AKR1E2: variants seen among roughly 807,000 people sequenced by gnomAD.
The protein encoded by AKR1E2 is 1,5-anhydro-D-fructose reductase.
Under a neutral mutation model 41.9 loss-of-function variants are expected in AKR1E2, and 43 were observed. The ratio of observed to expected loss-of-function variants is 1.03; its 90% CI spans 0.80 to 1.32. The LOEUF (loss-of-function observed/expected upper bound fraction) is 1.32. Ranked by LOEUF, AKR1E2 falls within the 40% of genes most tolerant of loss-of-function variation. The probability of loss-of-function intolerance (pLI) is 0.00; values close to 1 mark genes in which losing one functional copy is unlikely to be tolerated. For missense variants in AKR1E2, 423 were observed against 396.5 expected, an observed-to-expected ratio of 1.07 and a Z score of -0.57; for synonymous variants, 121 against 138.9, an observed-to-expected ratio of 0.87 and a Z score of 0.91.
the AKR1E2 span, among the ~76,000 whole-genome samples, chr10:4,863,726 A>AAATCAATGAATCCAGGAGCT: frequency 1.5e-3 from 223 of 151,080 alleles, no homozygotes; most frequent in Middle Eastern, 0.01. Flanking sequence ...AGACTAATAA[A>AAATCAATGAATCCAGGAGCT]GAAGAAAAGA....
the AKR1E2 span, among the ~76,000 whole-genome samples, chr10:4,862,114 G>A: frequency 3.7e-3 from 561 of 152,280 alleles, 5 homozygotes; most frequent in Non-Finnish European, 5.1e-3. Flanking sequence ...TGTATAAGGT[G>A]TAAGGAAGGG....
chr10:4,866,301 C>T, the AKR1E2 span, among the ~76,000 whole-genome samples: 10 of 152,264 alleles, frequency 6.6e-5, no homozygotes, highest in Middle Eastern at 3.4e-3. Context: ...AGAGAGGACG[C>T]GTAGCACTGG....
the AKR1E2 span, among the ~76,000 whole-genome samples, chr10:4,854,537 C>G: frequency 1.3e-5 from 2 of 152,214 alleles, no homozygotes; most frequent in East Asian, 3.9e-4. Context: ...ACTGAAGGGA[C>G]TATAGTGAGG....
chr10:4,867,542 A>G, the AKR1E2 span, among the ~76,000 whole-genome samples: 3 of 152,224 alleles, frequency 2.0e-5, no homozygotes, highest in Non-Finnish European at 4.4e-5. Flanking sequence ...ATTACACACT[A>G]TGTAACTTTT....
At chr10:4,846,112 C>A (rs1834315941) in intron 8 of AKR1E2, 2 of 311,832 alleles carry the variant, frequency 6.4e-6, no homozygotes, top group Non-Finnish European at 1.3e-5. Context: ...ACCCAAGAAT[C>A]CGCCTACCCC....
intron 8 of AKR1E2, among the ~76,000 whole-genome samples, chr10:4,843,026 G>A (rs554439882): frequency 3.3e-4 from 50 of 152,308 alleles, no homozygotes; most frequent in African/African-American, 1.1e-3. Context: ...CAGGTGGAGC[G>A]TGTGCAGAAC....
intron 5 of AKR1E2, among the ~76,000 whole-genome samples, chr10:4,839,165 G>A (rs1833676389): frequency 6.6e-6 from 1 of 152,196 alleles, no homozygotes; most frequent in Non-Finnish European, 1.5e-5. Context: ...TTTCATTCAA[G>A]TCACCTGTAG....
In AKR1E2 at chr10:4,847,651, AGAGGGGGAT is replaced by A; in HGVS notation, c.*123_*131del. 8.4e-7 allele frequency: 1 copy of A among 1,187,354 alleles called. No homozygotes were observed. The highest frequency in any genetic ancestry group is 1.2e-6 in the Non-Finnish European group (1 of 823,310). The allele number at this position is 1,187,354 out of a possible 1,614,324, so 73.6% of individuals were successfully genotyped here. On this transcript the variant is annotated 3_prime_UTR_variant, in exon 10 of 10. Transcript: ENST00000298375. ...TGCCTGGGACAGGAGCCACACAGTCAGAGGGGGATGTAAGAGCCACCTTCTCTGACAAAT... is the reference window on the plus strand; with the variant it reads ...TGCCTGGGACAGGAGCCACACAGTCAGTAAGAGCCACCTTCTCTGACAAAT...
intron 5 of AKR1E2, 129 bp downstream of exon 5, chr10:4,837,710 C>G (rs918702813): frequency 7.2e-7 from 1 of 1,394,080 alleles, no homozygotes; most frequent in Non-Finnish European, 9.5e-7. Flanking sequence ...TCTGGCAGCA[C>G]TCAGAATGGT....
chr10:4,830,745 C>CT lies in AKR1E2; in HGVS notation c.112dup (p.Tyr38LeufsTer6), dbSNP rs768714951. 1.9e-6 allele frequency: 3 copies of CT among 1,614,006 alleles called. No individual in the cohort carries two copies. Among genetic ancestry groups the CT allele is most frequent in the Non-Finnish European group, 2.5e-6 (3 of 1,179,976 alleles). ...GCAGGGTACCGGCACTTCGACTGTG[C>CT]TTACTTTTACCACAATGAGAGGGAG... On this transcript the variant is annotated frameshift_variant, in exon 2 of 10. Coordinates refer to ENST00000298375, the MANE Select transcript of AKR1E2 (RefSeq NM_001040177.3). LOFTEE classifies it high-confidence loss of function.
intron 8 of AKR1E2, among the ~76,000 whole-genome samples, 156 bp downstream of exon 8, chr10:4,842,660 C>T (rs1256922714): frequency 1.3e-5 from 2 of 152,124 alleles, no homozygotes; most frequent in South Asian, 2.1e-4. Flanking sequence ...CTTCCCTCAG[C>T]GATCAAAGGA....
the AKR1E2 span, among the ~76,000 whole-genome samples, chr10:4,866,073 T>G: frequency 6.6e-6 from 1 of 152,200 alleles, no homozygotes. Flanking sequence ...GTCATTCAGT[T>G]TCAGAGAACA....
At chr10:4,862,792 A>G in the AKR1E2 span, among the ~76,000 whole-genome samples, 1 of 152,218 alleles carries the variant, frequency 6.6e-6, no homozygotes, top group Admixed American at 6.5e-5. Flanking sequence ...ATGGAAAACA[A>G]AAAAAGGCAG....
Position 4,831,466 on chromosome 10 carries a change from G to A in AKR1E2, c.207+624G>A, listed in dbSNP as rs117306014. On this transcript the variant is annotated intron_variant, in intron 2 of 9. Coordinates refer to ENST00000298375, the MANE Select transcript of AKR1E2 (RefSeq NM_001040177.3). ...AAAGGCGAAGGAGGAACAAAGGCACGTCTTACATGGTAGCAGACAAGAGAA... is the reference window on the plus strand; with the variant it reads ...AAAGGCGAAGGAGGAACAAAGGCACATCTTACATGGTAGCAGACAAGAGAA... Among the ~76,000 whole-genome samples, 590 of 152,278 alleles carry A rather than the reference G, an allele frequency of 3.9e-3. 2 individuals carry two copies. Among genetic ancestry groups the A allele is most frequent in the African/African-American group, 0.013 (546 of 41,546 alleles).
intron 1 of AKR1E2, 110 bp downstream of exon 1, chr10:4,826,473 C>T: frequency 2.0e-6 from 2 of 1,018,378 alleles, no homozygotes; most frequent in East Asian, 3.3e-5. Flanking sequence ...GGCCTCCCCT[C>T]CGCCTGGCCG....
rs571912769 is a variant in AKR1E2, at chr10:4,847,312, C to T, written c.920+82C>T. On this transcript the variant is annotated intron_variant, in intron 9 of 9. Coordinates refer to ENST00000298375, the MANE Select transcript of AKR1E2 (RefSeq NM_001040177.3). ...GGTGTCTGAATAGGTATTTATCATA[C>T]ACATTTTAGATTAATTAAACTTTCT... 200 of 1,590,460 alleles carry T rather than the reference C, an allele frequency of 1.3e-4. No homozygotes were observed. The African/African-American group carries it at 2.5e-3, about 20-fold the overall frequency.
At chr10:4,829,992 C>T (rs1832846358) in intron 1 of AKR1E2, among the ~76,000 whole-genome samples, 1 of 152,154 alleles carries the variant, frequency 6.6e-6, no homozygotes, top group Admixed American at 6.6e-5. Flanking sequence ...AGCTTTCAAC[C>T]ACTCTGAATC....
At chr10:4,849,243 T>C (rs1423113687), downstream of AKR1E2, among the ~76,000 whole-genome samples, 1 of 152,236 alleles carries the variant, frequency 6.6e-6, no homozygotes, top group African/African-American at 2.4e-5. Context: ...TCTCTTGACC[T>C]TCCTACGATC....
chr10:4,843,424 T>A (rs1447474146), intron 8 of AKR1E2, among the ~76,000 whole-genome samples: 1 of 152,140 alleles, frequency 6.6e-6, no homozygotes, highest in African/African-American at 2.4e-5. Flanking sequence ...CGACAGGCAT[T>A]GGTGGCAGCC....
Sources: allele counts gnomAD v4.1 joint callset (sites outside exome capture counted in the v4.1 genomes callset), GRCh38; gene constraint gnomAD v4.1.1; transcripts MANE v1.5; gene names NCBI Gene and HGNC (gene_info 2026-07-23, HGNC 2026-07-21).